Variants in NME7 observed in about 807,000 individuals in gnomAD.
NME7 encodes nucleoside diphosphate kinase 7.
NME7 carries 41 observed loss-of-function variants against 49.1 expected under a neutral mutation model. The ratio of observed to expected loss-of-function variants is 0.83; its 90% CI spans 0.65 to 1.08. NME7 has a LOEUF of 1.08. Ranked by LOEUF, NME7 falls within the 50% of genes least tolerant of loss-of-function variation. The pLI is 0.00. For synonymous variants in NME7, 139 were observed against 150.6 expected, an observed-to-expected ratio of 0.92 and a Z score of 0.56; for missense variants, 423 against 463.4, an observed-to-expected ratio of 0.91 and a Z score of 0.80.
At chr1:169,270,942 T>A (rs2101873763) in intron 7 of NME7, among the ~76,000 whole-genome samples, 1 of 133,988 alleles carries the variant, frequency 7.5e-6, no homozygotes, top group East Asian at 2.0e-4. Context: ...CTATAACCTA[T>A]AAACAATACT....
chr1:169,211,438 T>C (rs1660815828), intron 10 of NME7, among the ~76,000 whole-genome samples: 1 of 152,178 alleles, frequency 6.6e-6, no homozygotes, highest in Admixed American at 6.5e-5. Context: ...ATATAGGAAA[T>C]ATAAGGTAAA....
intron 11 of NME7, among the ~76,000 whole-genome samples, chr1:169,157,800 G>A (rs188744756): frequency 1.3e-5 from 2 of 152,340 alleles, no homozygotes; most frequent in East Asian, 3.9e-4. Flanking sequence ...TTCTCACAGG[G>A]TCTAGGCTTT....
intron 4 of NME7, 68 bp from the exon 5 acceptor site, chr1:169,303,263 T>G: frequency 2.9e-6 from 2 of 690,066 alleles, no homozygotes; most frequent in Non-Finnish European, 4.5e-6. Context: ...TTAGCTTACA[T>G]TAATAAAATT....
chr1:169,350,868 G>A (rs1471782800), intron 1 of NME7, among the ~76,000 whole-genome samples: 1 of 152,128 alleles, frequency 6.6e-6, no homozygotes, highest in Non-Finnish European at 1.5e-5. Context: ...TCATCACACT[G>A]AGGTAGAAGA....
At position 169,208,554 on chromosome 1, in the gene NME7, C is replaced by T. The variant is rs543833466; in HGVS notation, c.990+22164G>A. Among the ~76,000 whole-genome samples, 4 of 152,166 alleles carry T rather than the reference C, an allele frequency of 2.6e-5. No homozygotes were observed. In the South Asian group the frequency reaches 8.3e-4, roughly 32 times the overall value. On this transcript the variant is annotated intron_variant, in intron 10 of 11. Transcript: ENST00000367811. ...TAACTCCCCAGTGGAAATCTACATA[C>T]ATACTTATGTTTAAACCAAAATAAT... is the stretch of plus-strand genomic sequence containing the variant.
intron 10 of NME7, among the ~76,000 whole-genome samples, chr1:169,208,927 T>A (rs1660744020): frequency 6.6e-6 from 1 of 152,078 alleles, no homozygotes; most frequent in Admixed American, 6.6e-5. Flanking sequence ...TGTAAGGTTA[T>A]AAAGAATGTG....
intron 4 of NME7, among the ~76,000 whole-genome samples, chr1:169,308,850 G>C (rs1651279917): frequency 6.6e-6 from 1 of 152,146 alleles, no homozygotes; most frequent in East Asian, 1.9e-4. Flanking sequence ...TGTACTGCTT[G>C]TTAGATAGGT....
chr1:169,253,053 T>A (rs2101849861), intron 7 of NME7, among the ~76,000 whole-genome samples: 1 of 151,860 alleles, frequency 6.6e-6, no homozygotes, highest in East Asian at 1.9e-4. Context: ...GGGCTCTTTT[T>A]TGGTTCCATA....
chr1:169,282,321 T>G (rs982946372), intron 7 of NME7, among the ~76,000 whole-genome samples: 2 of 152,222 alleles, frequency 1.3e-5, no homozygotes, highest in African/African-American at 4.8e-5. Context: ...TTATTGAATC[T>G]ATTTGATTCT....
chr1:169,351,360 A>G (rs1230146943), intron 1 of NME7, among the ~76,000 whole-genome samples: 8 of 152,050 alleles, frequency 5.3e-5, no homozygotes, highest in Admixed American at 5.3e-4. Context: ...TTCTTGATAC[A>G]AACGATAAAG....
intron 10 of NME7, among the ~76,000 whole-genome samples, chr1:169,174,776 G>A (rs1296901512): frequency 8.5e-5 from 13 of 152,152 alleles, no homozygotes. Flanking sequence ...GACCTATAGA[G>A]GGCACTTACC....
At chr1:169,343,389 A>G (rs922967571) in intron 1 of NME7, among the ~76,000 whole-genome samples, 2 of 151,956 alleles carry the variant, frequency 1.3e-5, no homozygotes, top group Non-Finnish European at 2.9e-5. Flanking sequence ...TGGTATTGAC[A>G]TTTTTGTCAA....
In NME7 at chr1:169,310,059, T is replaced by C; in HGVS notation, c.300A>G (p.Pro100=). 1.2e-6 allele frequency: 2 copies of C among 1,606,536 alleles called. No homozygotes were observed. Among genetic ancestry groups the C allele is most frequent in the Non-Finnish European group, 1.7e-6 (2 of 1,176,188 alleles). ...TTTCTCCAGCCTTTGATATTGCATCTGGTTTAATTAGGGCTAGCGTTCTAT... is the reference window on the plus strand; with the variant it reads ...TTTCTCCAGCCTTTGATATTGCATCCGGTTTAATTAGGGCTAGCGTTCTAT... The part of the protein sequence containing the change: ...RKEKTLALIK[P]DAISKAGEII... The change falls in exon 4 of 12, where the codon CCA becomes CCG. Residue 100 remains proline, a synonymous_variant. Coordinates refer to ENST00000367811, the MANE Select transcript of NME7 (RefSeq NM_013330.5).
At chr1:169,188,852 G>A (rs1262771901) in intron 10 of NME7, among the ~76,000 whole-genome samples, 1 of 152,156 alleles carries the variant, frequency 6.6e-6, no homozygotes, top group African/African-American at 2.4e-5. Context: ...AGTTATTGAG[G>A]ACAGTGAATG....
chr1:169,276,399 T>G (rs1300963597), intron 7 of NME7, among the ~76,000 whole-genome samples: 2 of 133,646 alleles, frequency 1.5e-5, no homozygotes, highest in African/African-American at 5.1e-5. Context: ...TTCGACTTCT[T>G]CCTCGTTTAG....
chr1:169,166,894 C>T (rs1295438770), intron 11 of NME7, among the ~76,000 whole-genome samples: 5 of 152,192 alleles, frequency 3.3e-5, no homozygotes, highest in Non-Finnish European at 7.3e-5. Context: ...AATGCTTGAA[C>T]TCAGGAGGCG....
intron 11 of NME7, among the ~76,000 whole-genome samples, chr1:169,166,720 G>T (rs1055719908): frequency 6.6e-6 from 1 of 152,194 alleles, no homozygotes; most frequent in Non-Finnish European, 1.5e-5. Flanking sequence ...GCTCATGCCT[G>T]TAATCCCAGA....
chr1:169,192,179 G>C (rs534222853), intron 10 of NME7, among the ~76,000 whole-genome samples: 1 of 152,200 alleles, frequency 6.6e-6, no homozygotes, highest in African/African-American at 2.4e-5. Context: ...ACTGCCAGGT[G>C]AGAGGTGTAG....
chr1:169,183,826 A>T (rs1257034015), intron 10 of NME7, among the ~76,000 whole-genome samples: 1 of 152,102 alleles, frequency 6.6e-6, no homozygotes, highest in Non-Finnish European at 1.5e-5. Flanking sequence ...AAAAAAGAAA[A>T]GCCCTATGTG....
Sources: allele counts gnomAD v4.1 joint callset (sites outside exome capture counted in the v4.1 genomes callset), GRCh38; gene constraint gnomAD v4.1.1; transcripts MANE v1.5; gene names NCBI Gene and HGNC (gene_info 2026-07-23, HGNC 2026-07-21).